Variants in LRMDA observed in about 807,000 individuals in gnomAD.
LRMDA encodes the protein leucine-rich melanocyte differentiation-associated protein.
In LRMDA, 18 loss-of-function variants were observed where a neutral mutation model predicts 29.8. That is an observed-to-expected ratio of 0.60 (90% CI 0.42 to 0.90). The LOEUF (loss-of-function observed/expected upper bound fraction) is 0.90, where lower values mean the gene tolerates loss of function less well. Among genes scored for constraint, LRMDA ranks in the 40% least tolerant of loss-of-function variants. The probability of loss-of-function intolerance (pLI) is 0.00; values close to 1 mark genes in which losing one functional copy is unlikely to be tolerated. For synonymous variants in LRMDA, 125 were observed against 109.4 expected (o/e 1.14, Z -0.89); for missense variants, 273 against 273.9 (o/e 1.00, Z 0.02).
rs1213802208 is a variant in LRMDA, at chr10:76,349,434, A to G, written c.601+24949A>G. On this transcript the variant is annotated intron_variant, in intron 6 of 6. Coordinates refer to ENST00000611255, the MANE Select transcript of LRMDA (RefSeq NM_001305581.2). The stretch of plus-strand genomic sequence containing the variant: ...ATAGGTATGATCTGAAGATAAAAAT[A>G]TAAATGTAGCTATGTTGACTCACAT... Among the ~76,000 whole-genome samples the G allele has an allele frequency of 2.6e-5, 4 of 152,274 alleles. No homozygotes were observed. In the South Asian group the frequency reaches 8.3e-4, roughly 32 times the overall value.
At position 76,344,408 on chromosome 10, in the gene LRMDA, AACAG is replaced by A. The variant is rs538351910; in HGVS notation, c.601+19927_601+19930del. ...GTGCACAAGAATTCTTGACATTAAGAACAGACATTCGTATTATTTTTAAGGAAAA... is the reference window on the plus strand; with the variant it reads ...GTGCACAAGAATTCTTGACATTAAGAACATTCGTATTATTTTTAAGGAAAA... On this transcript the variant is annotated intron_variant, in intron 6 of 6. Transcript: ENST00000611255. Among the ~76,000 whole-genome samples, 8 of 152,284 alleles carry A rather than the reference AACAG, an allele frequency of 5.3e-5. No homozygotes were observed. In the East Asian group the frequency reaches 1.5e-3, roughly 29 times the overall value.
intron 2 of LRMDA, among the ~76,000 whole-genome samples, chr10:75,844,598 G>C (rs1019365685): frequency 1.9e-4 from 29 of 152,120 alleles, no homozygotes; most frequent in African/African-American, 7.0e-4. Context: ...TTTACTTGTG[G>C]CACTTTTTGC....
chr10:75,441,113 C>G (rs1844322180), intron 2 of LRMDA, among the ~76,000 whole-genome samples: 1 of 152,122 alleles, frequency 6.6e-6, no homozygotes, highest in African/African-American at 2.4e-5. Flanking sequence ...ACAGGAGATT[C>G]TAAACTTACC....
At chr10:75,993,562 A>G (rs981103825) in intron 2 of LRMDA, among the ~76,000 whole-genome samples, 1 of 151,880 alleles carries the variant, frequency 6.6e-6, no homozygotes, top group Non-Finnish European at 1.5e-5. Flanking sequence ...GCAAAACTCC[A>G]TCTCTACTAA....
chr10:76,043,959 T>A (rs1358151970), intron 3 of LRMDA, among the ~76,000 whole-genome samples: 1 of 152,340 alleles, frequency 6.6e-6, no homozygotes, highest in Non-Finnish European at 1.5e-5. Context: ...TAGAGAGGGC[T>A]TCCCTCAGTC....
chr10:76,010,063 C>A (rs1188008251), intron 2 of LRMDA, among the ~76,000 whole-genome samples: 3 of 152,144 alleles, frequency 2.0e-5, no homozygotes, highest in African/African-American at 7.2e-5. Flanking sequence ...AAGTTCCCTC[C>A]CCCTGAAGGT....
chr10:75,892,963 G>T (rs1325485955), intron 2 of LRMDA, among the ~76,000 whole-genome samples: 1 of 152,156 alleles, frequency 6.6e-6, no homozygotes, highest in East Asian at 1.9e-4. Flanking sequence ...AGACTTTTGG[G>T]CAATGGTTAG....
chr10:76,420,422 A>G (rs1589176258), intron 6 of LRMDA, among the ~76,000 whole-genome samples: 2 of 151,808 alleles, frequency 1.3e-5, no homozygotes, highest in East Asian at 1.9e-4. Flanking sequence ...TACCTTTTCT[A>G]TTTTACTCTT....
chr10:76,081,873 T>A (rs1056252173), intron 5 of LRMDA, among the ~76,000 whole-genome samples: 63 of 152,344 alleles, frequency 4.1e-4, no homozygotes, highest in African/African-American at 1.5e-3. Flanking sequence ...TTAAACACTA[T>A]CCCTTACTTT....
intron 6 of LRMDA, among the ~76,000 whole-genome samples, chr10:76,347,328 T>C (rs536561022): frequency 6.6e-6 from 1 of 152,306 alleles, no homozygotes; most frequent in South Asian, 2.1e-4. Flanking sequence ...AAAGGTCTTA[T>C]CTCTGTAGCC....
intron 5 of LRMDA, among the ~76,000 whole-genome samples, chr10:76,120,455 TG>T (rs1849765049): frequency 1.3e-5 from 2 of 152,154 alleles, no homozygotes; most frequent in Admixed American, 1.3e-4. Flanking sequence ...CCCAAAGTGC[TG>T]GGATTACAGG....
chr10:75,911,011 A>AT (rs5786199), intron 2 of LRMDA, among the ~76,000 whole-genome samples: 9,413 of 148,268 alleles, frequency 0.063, 736 homozygotes, highest in East Asian at 0.39. Context: ...ATTAAACAGC[A>AT]TTTTTTTTTT....
At chr10:75,771,069 T>C (rs1843233762) in intron 2 of LRMDA, among the ~76,000 whole-genome samples, 1 of 152,144 alleles carries the variant, frequency 6.6e-6, no homozygotes, top group African/African-American at 2.4e-5. Flanking sequence ...AAATGGATGA[T>C]AGGGAACTGT....
At chr10:75,449,151 CAAAAAAAAA>C (rs779723533) in intron 2 of LRMDA, among the ~76,000 whole-genome samples, 1 of 50,282 alleles carries the variant, frequency 2.0e-5, no homozygotes, top group Non-Finnish European at 4.3e-5. Flanking sequence ...GACTCCATCT[CAAAAAAAAA>C]AAAAAAAAAA....
intron 2 of LRMDA, among the ~76,000 whole-genome samples, chr10:76,021,835 T>G (rs1312445657): frequency 6.6e-6 from 1 of 152,220 alleles, no homozygotes; most frequent in Non-Finnish European, 1.5e-5. Context: ...TGAGTGACTT[T>G]CCTTTTGCAG....
rs1281381280 is a variant in LRMDA at position 76,147,091 on chromosome 10, G to A, written c.516+88308G>A. 4.6e-5 allele frequency among the ~76,000 whole-genome samples: 7 copies of A among 152,244 alleles called. No homozygotes were observed. In the East Asian group the frequency reaches 5.8e-4, roughly 13 times the overall value. On this transcript the variant is annotated intron_variant, in intron 5 of 6. Coordinates refer to ENST00000611255, the MANE Select transcript of LRMDA (RefSeq NM_001305581.2). Reference sequence around the variant, plus strand: ...ATGGGCTTCCCTTTGTGGGTAACCCGACCTTTCTCTCTGGCTGCCCTTAAC... The same window carrying A: ...ATGGGCTTCCCTTTGTGGGTAACCCAACCTTTCTCTCTGGCTGCCCTTAAC...
At chr10:76,189,691 A>G (rs139417817) in intron 5 of LRMDA, among the ~76,000 whole-genome samples, 1 of 152,206 alleles carries the variant, frequency 6.6e-6, no homozygotes, top group South Asian at 2.1e-4. Flanking sequence ...AATTAAGTTC[A>G]AATTAATTTA....
At chr10:75,759,286 C>T (rs1458389528) in intron 2 of LRMDA, among the ~76,000 whole-genome samples, 1 of 152,098 alleles carries the variant, frequency 6.6e-6, no homozygotes, top group Non-Finnish European at 1.5e-5. Context: ...GTATTTTATT[C>T]TCAAATATTT....
chr10:76,394,194 T>A (rs938215577), intron 6 of LRMDA, among the ~76,000 whole-genome samples: 2 of 152,180 alleles, frequency 1.3e-5, no homozygotes, highest in African/African-American at 4.8e-5. Context: ...GAAACTGAAG[T>A]TTAAATAAAC....
Sources: gnomAD v4.1 joint callset for allele counts (sites outside exome capture counted in the v4.1 genomes callset) on GRCh38, gnomAD v4.1.1 for gene constraint, MANE v1.5 for transcripts, NCBI Gene and HGNC (gene_info 2026-07-23, HGNC 2026-07-21) for gene names.